CFAP54: variants seen among roughly 807,000 people sequenced by gnomAD.
CFAP54 encodes the protein cilia and flagella associated protein 54.
CFAP54 carries 290 observed loss-of-function variants against 370.4 expected under a neutral mutation model. That is an observed-to-expected ratio of 0.78 (90% CI 0.71 to 0.86). The LOEUF (loss-of-function observed/expected upper bound fraction) is 0.86, where lower values mean the gene tolerates loss of function less well. Among genes scored for constraint, CFAP54 ranks in the 40% least tolerant of loss-of-function variants. CFAP54 has a pLI of 0.00. For missense variants in CFAP54, 3,399 were observed against 3,528.7 expected (o/e 0.96, Z 0.93); for synonymous variants, 1,206 against 1,236.5 (o/e 0.98, Z 0.52).
Position 96,538,433 on chromosome 12 carries a change from G to A in CFAP54, c.1841G>A (p.Trp614Ter), listed in dbSNP as rs1955532137. 2 of 1,535,734 alleles carry A rather than the reference G, an allele frequency of 1.3e-6. No homozygotes were observed. The highest frequency in any genetic ancestry group is 4.9e-5 in the East Asian group (2 of 40,878). Residue 614 changes from tryptophan (W) to a stop codon, truncating the protein, a stop_gained, in exon 13 of 68, where the codon TGG (tryptophan) becomes TAG (stop). Transcript: ENST00000524981. LOFTEE classifies it high-confidence loss of function. Reference sequence around the variant, plus strand: ...GTTGTGGACACGATAATGTTCCTATGGCAGAAATGCAAATTAGGAATTCAG... The same window carrying A: ...GTTGTGGACACGATAATGTTCCTATAGCAGAAATGCAAATTAGGAATTCAG... ...EIVVDTIMFL[W>*]QKCKLGIQRL...
At chr12:96,791,308 CATT>C (rs1347928929) in intron 62 of CFAP54, among the ~76,000 whole-genome samples, 1 of 151,636 alleles carries the variant, frequency 6.6e-6, no homozygotes. Context: ...TTGTTTTTAC[CATT>C]ATTATCTCTA....
At chr12:96,622,542 G>T (rs1006798029) in intron 27 of CFAP54, among the ~76,000 whole-genome samples, 10 of 152,076 alleles carry the variant, frequency 6.6e-5, no homozygotes, top group African/African-American at 2.4e-4. Flanking sequence ...TAGAGATGGG[G>T]TTTCACCATG....
Position 96,592,566 on chromosome 12 carries a change from G to A in CFAP54, c.3289G>A (p.Asp1097Asn). 1.6e-6 allele frequency: 2 copies of A among 1,212,376 alleles called. No homozygotes were observed. Among genetic ancestry groups the A allele is most frequent in the Non-Finnish European group, 2.2e-6 (2 of 895,202 alleles). The allele number at this position is 1,212,376 out of a possible 1,614,324, so 75.1% of individuals were successfully genotyped here. Reference sequence around the variant, plus strand: ...TCTTAGAAATATTTTTGTAACAAGTGACATCAAAATTAAAGAAGAAAATCT... The same window carrying A: ...TCTTAGAAATATTTTTGTAACAAGTAACATCAAAATTAAAGAAGAAAATCT... ...LFLRNIFVTS[D>N]IKIKEENLFC... The change falls in exon 24 of 68, where the codon GAC becomes AAC. Residue 1097 changes from aspartate (D) to asparagine (N), a missense_variant. Asp to Asn is a conservative substitution (Grantham distance 23). Transcript: ENST00000524981.
intron 63 of CFAP54, among the ~76,000 whole-genome samples, chr12:96,793,713 A>G (rs951490040): frequency 1.1e-4 from 17 of 152,170 alleles, no homozygotes; most frequent in African/African-American, 3.9e-4. Context: ...CCATGCCAAC[A>G]TCTATTATTT....
intron 63 of CFAP54, among the ~76,000 whole-genome samples, chr12:96,806,295 T>A (rs1958882341): frequency 6.8e-6 from 1 of 147,204 alleles, no homozygotes; most frequent in Non-Finnish European, 1.5e-5. Context: ...AGGCAAAGTA[T>A]TCAAAGGCCA....
intron 66 of CFAP54, among the ~76,000 whole-genome samples, chr12:96,839,644 T>C (rs1348893945): frequency 1.4e-4 from 21 of 152,238 alleles, no homozygotes; most frequent in Admixed American, 1.4e-3. Flanking sequence ...GGGTTACTTA[T>C]TGGGAAGGGC....
chr12:96,611,354 C>G (rs1000966301), intron 26 of CFAP54, among the ~76,000 whole-genome samples: 6 of 151,656 alleles, frequency 4.0e-5, no homozygotes, highest in Non-Finnish European at 7.4e-5. Context: ...AACTAACAAA[C>G]AGAAAGGACA....
At chr12:96,757,964 T>A (rs985406458) in intron 58 of CFAP54, among the ~76,000 whole-genome samples, 1 of 152,214 alleles carries the variant, frequency 6.6e-6, no homozygotes, top group African/African-American at 2.4e-5. Flanking sequence ...GTTAAACAGA[T>A]GGACAAGTGA....
rs139834854 is a variant in CFAP54, at chr12:96,760,397, A to T, written c.8040+2809A>T. Among the ~76,000 whole-genome samples, 10 of 152,362 alleles carry T rather than the reference A, an allele frequency of 6.6e-5. No homozygotes were observed. The East Asian group carries it at 1.9e-3, about 29-fold the overall frequency. ...CACTATCCAGTTTTAGAACATTTTC[A>T]TCATCCCAAGAAAGATCCCTTATGC... On this transcript the variant is annotated intron_variant, in intron 58 of 67. Transcript: ENST00000524981.
chr12:96,721,400 C>G (rs750585906), intron 50 of CFAP54, among the ~76,000 whole-genome samples: 2 of 152,190 alleles, frequency 1.3e-5, no homozygotes, highest in African/African-American at 4.8e-5. Context: ...TGTTAACTCT[C>G]TCACTGCCAG....
At chr12:96,818,146 G>T (rs1437367214) in intron 65 of CFAP54, among the ~76,000 whole-genome samples, 1 of 152,178 alleles carries the variant, frequency 6.6e-6, no homozygotes, top group Non-Finnish European at 1.5e-5. Flanking sequence ...AACGAATCCA[G>T]ATAAATCGTT....
intron 29 of CFAP54, 96 bp from the exon 30 acceptor site, chr12:96,626,717 G>T: frequency 1.7e-6 from 1 of 587,688 alleles, no homozygotes; most frequent in Non-Finnish European, 2.6e-6. Context: ...TAATAAACTT[G>T]CCTGTTGGAA....
At chr12:96,865,617 T>G (rs1428592206) in intron 67 of CFAP54, among the ~76,000 whole-genome samples, 2 of 152,162 alleles carry the variant, frequency 1.3e-5, no homozygotes, top group Non-Finnish European at 2.9e-5. Flanking sequence ...TGTCTTAAGC[T>G]GAATGTTTGT....
At chr12:96,618,211 C>T in intron 26 of CFAP54, among the ~76,000 whole-genome samples, 1 of 152,086 alleles carries the variant, frequency 6.6e-6, no homozygotes, top group Non-Finnish European at 1.5e-5. Flanking sequence ...TTCAAGGCAG[C>T]TTGTGGTTTG....
intron 30 of CFAP54, among the ~76,000 whole-genome samples, chr12:96,628,720 A>C (rs557401807): frequency 6.6e-6 from 1 of 152,306 alleles, no homozygotes; most frequent in African/African-American, 2.4e-5. Flanking sequence ...CCATGGGATT[A>C]GGATTATCTT....
chr12:96,549,114 A>G (rs770890811), intron 15 of CFAP54, among the ~76,000 whole-genome samples: 2 of 152,182 alleles, frequency 1.3e-5, no homozygotes, highest in Non-Finnish European at 2.9e-5. Context: ...TCGGCCTCCC[A>G]AAGTGCTGGG....
chr12:96,620,436 C>T (rs894631450), intron 26 of CFAP54, among the ~76,000 whole-genome samples: 2 of 152,176 alleles, frequency 1.3e-5, no homozygotes, highest in African/African-American at 4.8e-5. Flanking sequence ...TCTTGCTTGC[C>T]ACCATGTAAG....
rs1955732824 is a variant in CFAP54 at position 96,554,661 on chromosome 12, T to C, written c.2284-15T>C. ...TAACTATATTTCTTTTTATTTCAAC[T>C]CTGTTGGACCAAAGCGTACCCACCA... On this transcript the variant is annotated splice_polypyrimidine_tract_variant and intron_variant, in intron 16 of 67. Coordinates refer to ENST00000524981, the MANE Select transcript of CFAP54 (RefSeq NM_001306084.2). 3.3e-6 allele frequency: 5 copies of C among 1,513,746 alleles called. No homozygotes were observed. Among genetic ancestry groups the C allele is most frequent in the Non-Finnish European group, 4.4e-6 (5 of 1,134,710 alleles). 93.8% of individuals were successfully genotyped at this position (1,513,746 alleles called of 1,614,324 possible).
rs188355110 is a variant in CFAP54 at position 96,631,369 on chromosome 12, A to G, written c.4316+718A>G. 3.8e-3 allele frequency among the ~76,000 whole-genome samples: 579 copies of G among 152,032 alleles called. 2 individuals carry two copies. Among genetic ancestry groups the G allele is most frequent in the Non-Finnish European group, 6.5e-3 (444 of 67,798 alleles). The stretch of plus-strand genomic sequence containing the variant: ...TTTCCTCTATCCTGGAAATAATACT[A>G]TGCCAAAATTTCGTGTTTATTATGC... On this transcript the variant is annotated intron_variant, in intron 32 of 67. Coordinates refer to ENST00000524981, the MANE Select transcript of CFAP54 (RefSeq NM_001306084.2).
Sources: gnomAD v4.1 joint callset for allele counts (sites outside exome capture counted in the v4.1 genomes callset) on GRCh38, gnomAD v4.1.1 for gene constraint, MANE v1.5 for transcripts, NCBI Gene and HGNC (gene_info 2026-07-23, HGNC 2026-07-21) for gene names.